The following RNF168 variants were observed in gnomAD, a reference collection of about 807,000 sequenced individuals.
RNF168 encodes ring finger protein 168.
Under a neutral mutation model 34.9 loss-of-function variants are expected in RNF168, and 34 were observed. The observed-to-expected ratio is 0.97, with a 90% CI of 0.74 to 1.30. RNF168 has a LOEUF of 1.30. RNF168 is among the 50% of genes most tolerant of loss of function. The pLI is 0.00. For synonymous variants in RNF168, 264 were observed against 254.7 expected (o/e 1.04, Z -0.35); for missense variants, 725 against 682.5 (o/e 1.06, Z -0.69).
intron 4 of RNF168, among the ~76,000 whole-genome samples, chr3:196,482,846 T>C (rs1280043406): frequency 6.6e-6 from 1 of 152,238 alleles, no homozygotes; most frequent in African/African-American, 2.4e-5. Context: ...ACAGACTTTA[T>C]CTGTTTTTAA....
At chr3:196,478,319 A>T (rs890716531) in intron 4 of RNF168, among the ~76,000 whole-genome samples, 7 of 152,216 alleles carry the variant, frequency 4.6e-5, no homozygotes, top group Non-Finnish European at 8.8e-5. Context: ...CAGCCTGTAA[A>T]CTACTCTTGT....
At chr3:196,478,224 C>T (rs141267694) in intron 4 of RNF168, among the ~76,000 whole-genome samples, 46 of 152,006 alleles carry the variant, frequency 3.0e-4, no homozygotes, top group Admixed American at 1.5e-3. Context: ...TTAAGTTTAG[C>T]CTAAAGCTGC....
chr3:196,473,492 C>G (rs930712739), intron 5 of RNF168, among the ~76,000 whole-genome samples: 2 of 152,220 alleles, frequency 1.3e-5, no homozygotes, highest in African/African-American at 4.8e-5. Context: ...CACCCACTCT[C>G]TGTTTTGCCA....
chr3:196,486,050 CCTCTGATCTTAAAGTATGTGTTTTA>C (rs1454292310), intron 3 of RNF168, among the ~76,000 whole-genome samples: 5 of 152,126 alleles, frequency 3.3e-5, no homozygotes, highest in Non-Finnish European at 5.9e-5. Flanking sequence ...CCCACAGTAC[CCTCTGATCTTAAAGTATGTGTTTTA>C]TCACACACCA....
rs533409778 is a variant in RNF168, at chr3:196,472,061, T to A, written c.1474A>T (p.Lys492Ter). ...TTGAAGTTCCCATCTTTGGGATTCT[T>A]CCTCTGTCCATTTAGCACTTTGTCT... The part of the protein sequence containing the change: ...PPDKVLNGQR[K>*]NPKDGNFKRQ... The change falls in exon 6 of 6, where the codon AAG becomes TAG. Residue 492 changes from lysine (K) to a stop codon, truncating the protein, a stop_gained. Transcript: ENST00000318037. LOFTEE classifies it high-confidence loss of function. 3.7e-6 allele frequency: 6 copies of A among 1,613,690 alleles called. No homozygotes were observed. Among genetic ancestry groups the A allele is most frequent in the Non-Finnish European group, 5.1e-6 (6 of 1,179,784 alleles).
intron 4 of RNF168, among the ~76,000 whole-genome samples, chr3:196,481,962 C>T (rs7649375): frequency 0.025 from 3,407 of 135,350 alleles, 108 homozygotes; most frequent in Middle Eastern, 0.04. Context: ...CTGTCCCTGG[C>T]TTTTTTTTTT....
In RNF168 at chr3:196,487,569, C is replaced by T; in HGVS notation, c.388G>A (p.Glu130Lys). 6.2e-7 allele frequency: 1 copy of T among 1,614,172 alleles called. No individual in the cohort carries two copies. Among genetic ancestry groups the T allele is most frequent in the Non-Finnish European group, 8.5e-7 (1 of 1,180,016 alleles). The change falls in exon 3 of 6, where the codon GAG (glutamate) becomes AAG (lysine). Residue 130 changes from glutamate (E) to lysine (K), a missense_variant. Physicochemically the swap from Glu to Lys is moderately conservative, Grantham distance 56. Transcript: ENST00000318037. ...TCTTCTTCCTCGCTGGCCCGTCGCT[C>T]TGCCGCCACCTTAAAAGTGATTAAT... is the stretch of plus-strand genomic sequence containing the variant. The part of the protein sequence containing the change: ...YEEEISKVAA[E>K]RRASEEEENK...
In RNF168 at chr3:196,483,855, AG is replaced by A; in HGVS notation, c.594del (p.Leu199Ter). On this transcript the variant is annotated frameshift_variant, in exon 4 of 6. Coordinates refer to ENST00000318037, the MANE Select transcript of RNF168 (RefSeq NM_152617.4). LOFTEE classifies it high-confidence loss of function. ...NFCEGSISAS[P>X]LNSRKSDPVT... ...ACTGGATCAGATTTTCTGGAATTCA[AG>A]GGAGAAGCCGAGATACTTCCCTCAC... 6.2e-7 allele frequency: 1 copy of A among 1,609,966 alleles called. No individual in the cohort carries two copies. The highest frequency in any genetic ancestry group is 8.5e-7 in the Non-Finnish European group (1 of 1,176,234).
intron 1 of RNF168, among the ~76,000 whole-genome samples, chr3:196,501,910 G>A (rs769943339): frequency 2.0e-5 from 3 of 151,970 alleles, no homozygotes; most frequent in Non-Finnish European, 4.4e-5. Flanking sequence ...CTTTTAGTAG[G>A]TGAATTGTAT....
intron 4 of RNF168, among the ~76,000 whole-genome samples, chr3:196,476,494 G>A (rs1732153244): frequency 6.7e-6 from 1 of 149,798 alleles, no homozygotes; most frequent in South Asian, 2.1e-4. Context: ...TCGGCTCACT[G>A]CAACCCCGCC....
At chr3:196,475,750 C>T (rs1296418168) in intron 4 of RNF168, among the ~76,000 whole-genome samples, 8 of 151,564 alleles carry the variant, frequency 5.3e-5, no homozygotes, top group African/African-American at 1.9e-4. Context: ...CGAGGTTTCA[C>T]CGTGTTAGCC....
intron 1 of RNF168, among the ~76,000 whole-genome samples, chr3:196,493,358 TTTTTC>T (rs1239647948): frequency 6.6e-6 from 1 of 152,194 alleles, no homozygotes; most frequent in African/African-American, 2.4e-5. Context: ...TTCATTTGCC[TTTTTC>T]TTTTGTTTTT....
chr3:196,502,227 A>G (rs1732912553), intron 1 of RNF168, among the ~76,000 whole-genome samples: 1 of 152,066 alleles, frequency 6.6e-6, no homozygotes, highest in Non-Finnish European at 1.5e-5. Flanking sequence ...GAGTGATAAA[A>G]AAGCGACTTT....
At chr3:196,496,945 G>A (rs911193023) in intron 1 of RNF168, among the ~76,000 whole-genome samples, 1 of 152,204 alleles carries the variant, frequency 6.6e-6, no homozygotes, top group Non-Finnish European at 1.5e-5. Context: ...AAGAGTTCGA[G>A]ACCAGCCTGG....
intron 4 of RNF168, among the ~76,000 whole-genome samples, chr3:196,476,135 C>T (rs1349069595): frequency 6.6e-6 from 1 of 152,122 alleles, no homozygotes; most frequent in Non-Finnish European, 1.5e-5. Context: ...GCTGGGATTA[C>T]AGCCGTGAGC....
At position 196,472,273 on chromosome 3, in the gene RNF168, G is replaced by C. The variant is rs774547431; in HGVS notation, c.1262C>G (p.Thr421Arg). The change falls in exon 6 of 6, where the codon ACA (threonine) becomes AGA (arginine). Residue 421 changes from threonine to arginine, a missense_variant. Thr to Arg is a moderately conservative substitution (Grantham distance 71). Transcript: ENST00000318037. ...CAGTTTTTGGGTAAAGTTTATTTCT[G>C]TTTCCTCTTGATCTGGGGAAGATTC... ...SPESSPDQEE[T>R]EINFTQKLID... 1.9e-6 allele frequency: 3 copies of C among 1,613,972 alleles called. No homozygotes were observed. Among genetic ancestry groups the C allele is most frequent in the East Asian group, 2.2e-5 (1 of 44,886 alleles).
intron 1 of RNF168, among the ~76,000 whole-genome samples, chr3:196,496,954 G>A (rs534502899): frequency 6.6e-6 from 1 of 152,278 alleles, no homozygotes; most frequent in East Asian, 1.9e-4. Flanking sequence ...AGACCAGCCT[G>A]GCCAATGTGG....
chr3:196,480,149 T>C (rs767162680), intron 4 of RNF168, among the ~76,000 whole-genome samples: 24 of 152,170 alleles, frequency 1.6e-4, no homozygotes, highest in Non-Finnish European at 2.6e-4. Flanking sequence ...TCTTTTTAAA[T>C]TTTTTACTTT....
intron 5 of RNF168, among the ~76,000 whole-genome samples, chr3:196,473,614 G>A (rs1275132702): frequency 1.3e-5 from 2 of 152,138 alleles, no homozygotes; most frequent in South Asian, 2.1e-4. Context: ...CAGCACTTCC[G>A]GAGGCTGAGG....
Sources: allele counts gnomAD v4.1 joint callset (sites outside exome capture counted in the v4.1 genomes callset), GRCh38; gene constraint gnomAD v4.1.1; transcripts MANE v1.5; gene names NCBI Gene and HGNC (gene_info 2026-07-23, HGNC 2026-07-21).